Variants in DPP10 observed in about 807,000 individuals in gnomAD.
DPP10 encodes the protein dipeptidyl peptidase like 10, also known as inactive dipeptidyl peptidase 10.
DPP10 carries 33 observed loss-of-function variants against 120.9 expected under a neutral mutation model. That is an observed-to-expected ratio of 0.27 (90% CI 0.21 to 0.37). DPP10 has a LOEUF of 0.37. Ranked by LOEUF, DPP10 falls within the 10% of genes least tolerant of loss-of-function variation. DPP10 has a pLI of 1.00. For missense variants in DPP10, 816 were observed against 942.8 expected, an observed-to-expected ratio of 0.87 and a Z score of 1.76; for synonymous variants, 337 against 326.1, an observed-to-expected ratio of 1.03 and a Z score of -0.36.
At chr2:115,196,319 G>A (rs1010356776) in intron 1 of DPP10, among the ~76,000 whole-genome samples, 3 of 152,268 alleles carry the variant, frequency 2.0e-5, no homozygotes, top group Non-Finnish European at 2.9e-5. Flanking sequence ...CTTATGCTTC[G>A]TTTGAATTTT....
intron 3 of DPP10, among the ~76,000 whole-genome samples, chr2:115,435,298 C>A (rs957111685): frequency 4.0e-5 from 6 of 151,710 alleles, no homozygotes; most frequent in African/African-American, 1.5e-4. Flanking sequence ...AATTTACATT[C>A]CCACCAACAG....
chr2:115,482,250 CTATT>C (rs1424003378), intron 3 of DPP10, among the ~76,000 whole-genome samples: 17 of 151,458 alleles, frequency 1.1e-4, no homozygotes, highest in South Asian at 8.3e-4. Context: ...TTTATTGTGT[CTATT>C]TAATGTATGT....
chr2:115,118,301 A>G (rs2049633121), intron 1 of DPP10, among the ~76,000 whole-genome samples: 1 of 152,152 alleles, frequency 6.6e-6, no homozygotes, highest in Admixed American at 6.5e-5. Context: ...CCATTTATTT[A>G]CTCCAAAGTA....
At chr2:114,461,773 A>G (rs1678933953) in intron 1 of DPP10, 1 of 985,380 alleles carries the variant, frequency 1.0e-6, no homozygotes, top group Non-Finnish European at 1.2e-6. Flanking sequence ...CCATCCGTAA[A>G]TTGGAGGATT....
intron 7 of DPP10, among the ~76,000 whole-genome samples, chr2:115,723,186 G>C (rs1347439168): frequency 6.6e-6 from 1 of 152,308 alleles, no homozygotes; most frequent in East Asian, 1.9e-4. Context: ...AAACCATATA[G>C]GGGCAGCAGC....
intron 1 of DPP10, among the ~76,000 whole-genome samples, chr2:114,740,974 G>A (rs186988669): frequency 1.1e-3 from 165 of 152,212 alleles, no homozygotes; most frequent in African/African-American, 3.9e-3. Context: ...AACATTACTG[G>A]GTTCCAAATT....
chr2:114,896,072 T>C (rs1558855015), intron 1 of DPP10, among the ~76,000 whole-genome samples: 1 of 152,220 alleles, frequency 6.6e-6, no homozygotes, highest in Non-Finnish European at 1.5e-5. Flanking sequence ...CTGAGGGCTC[T>C]GTTCTGTTCC....
intron 3 of DPP10, among the ~76,000 whole-genome samples, chr2:115,418,552 C>T (rs926471256): frequency 3.3e-5 from 5 of 152,098 alleles, no homozygotes; most frequent in Admixed American, 6.6e-5. Context: ...AGGAGGATTG[C>T]TTGAGCCCAG....
intron 1 of DPP10, among the ~76,000 whole-genome samples, chr2:115,186,310 A>G (rs1033727671): frequency 1.3e-5 from 2 of 152,174 alleles, no homozygotes; most frequent in Admixed American, 1.3e-4. Context: ...GACAATAAAC[A>G]TTTATAGACT....
Position 115,185,185 on chromosome 2 carries a change from A to G in DPP10, c.61-124054A>G, listed in dbSNP as rs542459119. 1.6e-3 allele frequency among the ~76,000 whole-genome samples: 239 copies of G among 152,220 alleles called. 2 individuals carry two copies. Among genetic ancestry groups the G allele is most frequent in the African/African-American group, 5.5e-3 (230 of 41,550 alleles). On this transcript the variant is annotated intron_variant, in intron 1 of 25. Transcript: ENST00000410059. ...TAAATATTCCATGCTTAAAACGCAC[A>G]GCACGTTAACTCCTTTATTTCAGGG... is the stretch of plus-strand genomic sequence containing the variant.
At chr2:115,530,480 GA>G (rs2078394038) in intron 5 of DPP10, among the ~76,000 whole-genome samples, 1 of 151,966 alleles carries the variant, frequency 6.6e-6, no homozygotes, top group Non-Finnish European at 1.5e-5. Context: ...AGGAGTTTGA[GA>G]CCAGCCTGGC....
chr2:114,960,503 G>C (rs893272111), intron 1 of DPP10, among the ~76,000 whole-genome samples: 1 of 151,894 alleles, frequency 6.6e-6, no homozygotes, highest in African/African-American at 2.4e-5. Context: ...ACTCATTTAA[G>C]AAAGTATAAA....
chr2:114,757,839 G>A (rs4849350), intron 1 of DPP10, among the ~76,000 whole-genome samples: 7,056 of 152,178 alleles, frequency 0.046, 241 homozygotes, highest in Non-Finnish European at 0.067. Context: ...AGAACCGCTG[G>A]TGTAGATAAA....
chr2:114,850,200 T>A (rs1037588985), intron 1 of DPP10, among the ~76,000 whole-genome samples: 17 of 152,124 alleles, frequency 1.1e-4, no homozygotes, highest in African/African-American at 3.9e-4. Context: ...TTTTTGTGTG[T>A]GTTTATTGAA....
chr2:115,722,985 C>A (rs896073769), intron 7 of DPP10, among the ~76,000 whole-genome samples: 3 of 152,122 alleles, frequency 2.0e-5, no homozygotes, highest in African/African-American at 7.2e-5. Flanking sequence ...TCACCACTGC[C>A]ACTGAGGTCC....
intron 1 of DPP10, among the ~76,000 whole-genome samples, chr2:114,776,015 AG>A (rs1324349217): frequency 6.6e-6 from 1 of 152,220 alleles, no homozygotes; most frequent in East Asian, 1.9e-4. Context: ...GGATGCAGAT[AG>A]CAGGAGTTAA....
intron 5 of DPP10, among the ~76,000 whole-genome samples, chr2:115,607,727 C>T (rs1464150423): frequency 1.3e-5 from 2 of 152,088 alleles, no homozygotes; most frequent in Non-Finnish European, 2.9e-5. Flanking sequence ...ATGCCTACTA[C>T]AGTACATGGT....
chr2:114,985,012 G>C (rs1242078596), intron 1 of DPP10, among the ~76,000 whole-genome samples: 1 of 152,154 alleles, frequency 6.6e-6, no homozygotes, highest in Non-Finnish European at 1.5e-5. Flanking sequence ...ACTCATTTCA[G>C]TGAAAATAAG....
chr2:114,586,540 C>T (rs1006241462), intron 1 of DPP10, among the ~76,000 whole-genome samples: 1 of 152,194 alleles, frequency 6.6e-6, no homozygotes, highest in Non-Finnish European at 1.5e-5. Context: ...AGGCTTACAG[C>T]AGACTTTAGT....
Sources: allele counts gnomAD v4.1 joint callset (sites outside exome capture counted in the v4.1 genomes callset), GRCh38; gene constraint gnomAD v4.1.1; transcripts MANE v1.5; gene names NCBI Gene and HGNC (gene_info 2026-07-23, HGNC 2026-07-21).